The following GADL1 variants were observed in gnomAD, a reference collection of about 807,000 sequenced individuals.
GADL1 encodes the protein acidic amino acid decarboxylase GADL1.
A neutral mutation model predicts 69.5 loss-of-function variants in GADL1; 71 were observed. That is an observed-to-expected ratio of 1.02 (90% CI 0.84 to 1.25). GADL1 has a LOEUF of 1.25. GADL1 is among the 50% of genes most tolerant of loss of function. The pLI is 0.00. For synonymous variants in GADL1, 254 were observed against 214.4 expected (o/e 1.18, Z -1.62); for missense variants, 737 against 631.8 (o/e 1.17, Z -1.79).
At chr3:30,854,669 G>C (rs1698200365) in intron 4 of GADL1, 30 bp downstream of exon 4, 1 of 1,304,918 alleles carries the variant, frequency 7.7e-7, no homozygotes, top group African/African-American at 1.5e-5. Flanking sequence ...ATCCACGTTT[G>C]GTGTGAAATT....
intron 11 of GADL1, among the ~76,000 whole-genome samples, chr3:30,813,734 C>T (rs577132770): frequency 6.6e-6 from 1 of 152,312 alleles, no homozygotes; most frequent in East Asian, 1.9e-4. Flanking sequence ...CCCTGGTCGT[C>T]TTTGTATAAA....
chr3:30,835,238 A>G (rs527878479), intron 9 of GADL1, among the ~76,000 whole-genome samples: 2 of 152,124 alleles, frequency 1.3e-5, no homozygotes, highest in East Asian at 3.9e-4. Context: ...GAAGGTGACA[A>G]TTTGGCCAAA....
At chr3:30,771,668 G>A (rs1413888817) in intron 14 of GADL1, among the ~76,000 whole-genome samples, 1 of 152,118 alleles carries the variant, frequency 6.6e-6, no homozygotes, top group Admixed American at 6.5e-5. Flanking sequence ...CCTCATCTTT[G>A]AACATTTTTT....
intron 14 of GADL1, among the ~76,000 whole-genome samples, chr3:30,751,380 G>C (rs537476609): frequency 6.6e-6 from 1 of 151,894 alleles, no homozygotes; most frequent in East Asian, 1.9e-4. Context: ...AGTTGTCTTC[G>C]CTCAGTCTGT....
intron 3 of GADL1, 134 bp from the exon 4 acceptor site, chr3:30,854,923 T>C: frequency 1.8e-6 from 1 of 566,356 alleles, no homozygotes; most frequent in Non-Finnish European, 3.1e-6. Flanking sequence ...CGTAATTCCA[T>C]TTATATGACA....
chr3:30,770,862 T>C (rs1018406459), intron 14 of GADL1, among the ~76,000 whole-genome samples: 1 of 152,166 alleles, frequency 6.6e-6, no homozygotes, highest in African/African-American at 2.4e-5. Flanking sequence ...AAATTTATAA[T>C]GAGGACATCT....
At chr3:30,820,145 AATG>A (rs1697546259) in intron 11 of GADL1, among the ~76,000 whole-genome samples, 1 of 151,954 alleles carries the variant, frequency 6.6e-6, no homozygotes, top group Non-Finnish European at 1.5e-5. Flanking sequence ...ACTGCAGTAA[AATG>A]AGGTTAATCA....
chr3:30,812,652 CTA>C (rs1486289492), intron 11 of GADL1, among the ~76,000 whole-genome samples: 1 of 152,108 alleles, frequency 6.6e-6, no homozygotes, highest in Admixed American at 6.5e-5. Flanking sequence ...AACTGTATCA[CTA>C]TGTTACTGTG....
intron 12 of GADL1, chr3:30,800,269 T>TGGC (rs1697133004): frequency 6.5e-6 from 1 of 153,350 alleles, no homozygotes; most frequent in South Asian, 2.1e-4. Flanking sequence ...ACTTCTTGCA[T>TGGC]GGCAGCAGCA....
chr3:30,777,846 G>A (rs998244215), intron 14 of GADL1, among the ~76,000 whole-genome samples: 2 of 151,954 alleles, frequency 1.3e-5, no homozygotes, highest in African/African-American at 4.8e-5. Context: ...ACAACAGTCA[G>A]AGATGCAGTA....
At chr3:30,841,275 C>T (rs775788030) in intron 8 of GADL1, among the ~76,000 whole-genome samples, 1 of 152,208 alleles carries the variant, frequency 6.6e-6, no homozygotes, top group African/African-American at 2.4e-5. Flanking sequence ...GACGTACTAA[C>T]TCTAACCCCA....
chr3:30,777,645 C>G (rs942499589), intron 14 of GADL1, among the ~76,000 whole-genome samples: 1 of 152,120 alleles, frequency 6.6e-6, no homozygotes, highest in Admixed American at 6.5e-5. Context: ...TATCATCAGC[C>G]CCAACAGCTG....
intron 1 of GADL1, among the ~76,000 whole-genome samples, chr3:30,871,079 G>C (rs182616447): frequency 1.3e-5 from 2 of 149,572 alleles, no homozygotes; most frequent in East Asian, 2.0e-4. Context: ...GTGTGTGTGT[G>C]TCCAAGAAAC....
At chr3:30,736,410 T>C (rs1470467370) in intron 14 of GADL1, among the ~76,000 whole-genome samples, 4 of 152,174 alleles carry the variant, frequency 2.6e-5, no homozygotes, top group African/African-American at 4.8e-5. Flanking sequence ...TTATGTGGAC[T>C]AAATGAAATA....
Position 30,857,100 on chromosome 3 carries a change from A to G in GADL1, c.252T>C (p.Leu84=). ...CGCCTGAGTCTCTCATCTCCAAATC[A>G]AGAAGCTGTTTCAGTTGTTCAGGAG... ...WRPPEQLKQL[L]DLEMRDSGEP... is the part of the protein sequence containing the mutation. Residue 84 remains leucine (L), a synonymous_variant, in exon 3 of 15, where the codon CTT becomes CTC. Coordinates refer to ENST00000282538, the MANE Select transcript of GADL1 (RefSeq NM_207359.3). 6.5e-7 allele frequency: 1 copy of G among 1,550,136 alleles called. No homozygotes were observed.
At chr3:30,870,601 TAG>T (rs1203931555) in intron 1 of GADL1, among the ~76,000 whole-genome samples, 1 of 151,548 alleles carries the variant, frequency 6.6e-6, no homozygotes, top group Non-Finnish European at 1.5e-5. Flanking sequence ...GGATGCCGTG[TAG>T]AGAATGAACT....
At chr3:30,770,781 T>C (rs1050431317) in intron 14 of GADL1, among the ~76,000 whole-genome samples, 3 of 151,196 alleles carry the variant, frequency 2.0e-5, no homozygotes, top group Non-Finnish European at 4.4e-5. Context: ...TCAGAACTTA[T>C]GCCACAATAA....
At chr3:30,891,871 T>C (rs1472039267) in intron 1 of GADL1, among the ~76,000 whole-genome samples, 1 of 150,914 alleles carries the variant, frequency 6.6e-6, no homozygotes, top group Non-Finnish European at 1.5e-5. Flanking sequence ...AAAAAAAAAA[T>C]ACAGAAATTT....
At position 30,778,224 on chromosome 3, in the gene GADL1, G is replaced by C. The variant is rs1005683536; in HGVS notation, c.1347C>G (p.Leu449=). 1.9e-6 allele frequency: 3 copies of C among 1,612,786 alleles called. No individual in the cohort carries two copies. The highest frequency in any genetic ancestry group is 1.7e-6 in the Non-Finnish European group (2 of 1,178,976). ...NICFWYIPPS[L]REMEEGPEFW... ...ACTCGGGTCCTTCTTCCATCTCTCTGAGGCTCGGTGGAATGTACCAAAAGC... is the reference window on the plus strand; with the variant it reads ...ACTCGGGTCCTTCTTCCATCTCTCTCAGGCTCGGTGGAATGTACCAAAAGC... Residue 449 remains leucine, a synonymous_variant, in exon 14 of 15, where the codon CTC becomes CTG. Coordinates refer to ENST00000282538, the MANE Select transcript of GADL1 (RefSeq NM_207359.3).
Sources: gnomAD v4.1 joint callset for allele counts (sites outside exome capture counted in the v4.1 genomes callset) on GRCh38, gnomAD v4.1.1 for gene constraint, MANE v1.5 for transcripts, NCBI Gene and HGNC (gene_info 2026-07-23, HGNC 2026-07-21) for gene names.